COL5A1: variants seen among roughly 807,000 people sequenced by gnomAD.
COL5A1 encodes collagen alpha-1(V) chain.
COL5A1 carries 16 observed loss-of-function variants against 263.7 expected under a neutral mutation model. That is an observed-to-expected ratio of 0.06 (90% CI 0.04 to 0.09). COL5A1 has a LOEUF of 0.09. Among genes scored for constraint, COL5A1 ranks in the 10% least tolerant of loss-of-function variants. COL5A1 has a pLI of 1.00. For synonymous variants in COL5A1, 1,012 were observed against 1,004.5 expected (o/e 1.01, Z -0.14); for missense variants, 2,036 against 2,540.5 (o/e 0.80, Z 4.27).
Position 134,813,989 on chromosome 9 carries a change from C to T in COL5A1, c.3859C>T (p.Pro1287Ser), listed in dbSNP as rs1162388207. 4 of 1,551,036 alleles carry T rather than the reference C, an allele frequency of 2.6e-6. No individual in the cohort carries two copies. Among genetic ancestry groups the T allele is most frequent in the Non-Finnish European group, 2.6e-6 (3 of 1,147,074 alleles). Residue 1287 changes from proline (P) to serine (S), a missense_variant, in exon 49 of 66, where the codon CCT (proline) becomes TCT (serine). Physicochemically the swap from Pro to Ser is moderately conservative, Grantham distance 74. Around this residue, in one of 3 missense-constraint regions of COL5A1, gnomAD observed 1,078 missense variants for 1,521.4 expected, o/e 0.71. Transcript: ENST00000371817. ...NPGAVGEKGE[P>S]GEAGEPGLPG... The stretch of plus-strand genomic sequence containing the variant: ...ACATGCACTGTCTCCCTAGGGCGAG[C>T]CTGGCGAAGCAGGTGAGCCTGGCCT...
Position 134,812,441 on chromosome 9 carries a change from G to C in COL5A1, c.3691-8G>C. The stretch of plus-strand genomic sequence containing the variant: ...ACAGCGCTTAACTGGGAAGTTTCCT[G>C]TTCTCAGGGTTTGCCAGGACCTCCA... On this transcript the variant is annotated splice_polypyrimidine_tract_variant and splice_region_variant and intron_variant, in intron 46 of 65. Coordinates refer to ENST00000371817, the MANE Select transcript of COL5A1 (RefSeq NM_000093.5). 2 of 1,614,070 alleles carry C rather than the reference G, an allele frequency of 1.2e-6. No individual in the cohort carries two copies. Among genetic ancestry groups the C allele is most frequent in the East Asian group, 2.2e-5 (1 of 44,876 alleles).
chr9:134,715,980 G>A (rs200125682), intron 4 of COL5A1, among the ~76,000 whole-genome samples: 1 of 29,840 alleles, frequency 3.4e-5, no homozygotes, highest in East Asian at 0.012. Context: ...GGTGATGCTG[G>A]TGGTGGTGGT....
intron 44 of COL5A1, among the ~76,000 whole-genome samples, chr9:134,810,885 G>A (rs1439977171): frequency 1.3e-5 from 2 of 152,260 alleles, no homozygotes; most frequent in East Asian, 3.9e-4. Flanking sequence ...GCCGTGGGTT[G>A]GGCTACCAGG....
At chr9:134,832,793 T>A (rs1172541591) in intron 64 of COL5A1, 1 of 152,278 alleles carries the variant, frequency 6.6e-6, no homozygotes. Context: ...AGTTCGCCGA[T>A]AGCCCTGGGA....
At position 134,817,065 on chromosome 9, in the gene COL5A1, C is replaced by T. The variant is rs61737942; in HGVS notation, c.4162C>T (p.Pro1388Ser). The T allele has an allele frequency of 4.0e-5, 64 of 1,613,628 alleles. No homozygotes were observed. The African/African-American group carries it at 7.7e-4, about 20-fold the overall frequency. Reference sequence around the variant, plus strand: ...TACTGGTGAACCAGGTCCATCGGGGCCTCCAGGAAAAAGGGTAAATAATCC... The same window carrying T: ...TACTGGTGAACCAGGTCCATCGGGGTCTCCAGGAAAAAGGGTAAATAATCC... Reference protein sequence around the residue: ...GPTGEPGPSGPPGKRGPPGPA... With the variant: ...GPTGEPGPSGSPGKRGPPGPA... The change falls in exon 53 of 66, where the codon CCT (proline) becomes TCT (serine). Residue 1388 changes from proline (P) to serine (S), a missense_variant. Pro to Ser is a moderately conservative substitution (Grantham distance 74). This residue lies in a region of COL5A1 where 1,078 missense variants were observed against 1,521.4 expected (regional missense o/e 0.71). Transcript: ENST00000371817.
intron 11 of COL5A1, among the ~76,000 whole-genome samples, chr9:134,746,534 A>C (rs915748223): frequency 6.6e-6 from 1 of 152,330 alleles, no homozygotes; most frequent in Admixed American, 6.5e-5. Context: ...CCACTTTGTG[A>C]GGCATCTGGT....
intron 32 of COL5A1, among the ~76,000 whole-genome samples, chr9:134,791,320 G>A (rs1837683341): frequency 6.6e-6 from 1 of 152,220 alleles, no homozygotes; most frequent in Non-Finnish European, 1.5e-5. Flanking sequence ...TTGAGCCATG[G>A]TAGTGGTGGT....
At position 134,806,295 on chromosome 9, in the gene COL5A1, C is replaced by T; in HGVS notation, c.3365C>T (p.Pro1122Leu). 6.5e-7 allele frequency: 1 copy of T among 1,543,872 alleles called. No individual in the cohort carries two copies. The highest frequency in any genetic ancestry group is 8.8e-7 in the Non-Finnish European group (1 of 1,142,412). Residue 1122 changes from proline (P) to leucine (L), a missense_variant and splice_region_variant, in exon 42 of 66, where the codon CCT (proline) becomes CTT (leucine). Around this residue, in one of 3 missense-constraint regions of COL5A1, gnomAD observed 1,078 missense variants for 1,521.4 expected, o/e 0.71. Coordinates refer to ENST00000371817, the MANE Select transcript of COL5A1 (RefSeq NM_000093.5). ...PPGPAGEKGAPGEKGPQGPAG... is the reference protein window; with the variant it reads ...PPGPAGEKGALGEKGPQGPAG... ...GGGCCGGCAGGAGAGAAAGGGGCTC[C>T]TGTAAGTACTGCCTTGGATTGGGGG...
At chr9:134,761,108 A>ACACCCACACATGCACACAC (rs146686669) in intron 18 of COL5A1, among the ~76,000 whole-genome samples, 9 of 145,050 alleles carry the variant, frequency 6.2e-5, no homozygotes. Context: ...ACATGCACAC[A>ACACCCACACATGCACACAC]ACCCACACAT....
chr9:134,752,012 C>T (rs1454067809), intron 13 of COL5A1, among the ~76,000 whole-genome samples: 2 of 152,194 alleles, frequency 1.3e-5, no homozygotes, highest in Non-Finnish European at 2.9e-5. Context: ...TGGCATCTGC[C>T]AGGGAAACAG....
chr9:134,721,069 T>C (rs11103480), intron 4 of COL5A1, among the ~76,000 whole-genome samples: 26,661 of 152,116 alleles, frequency 0.18, 2,582 homozygotes, highest in East Asian at 0.39. Context: ...ACACAGTGTG[T>C]GGCTGCGCGT....
intron 63 of COL5A1, among the ~76,000 whole-genome samples, chr9:134,828,196 C>T (rs1315205502): frequency 6.6e-6 from 1 of 152,154 alleles, no homozygotes; most frequent in African/African-American, 2.4e-5. Flanking sequence ...GGTCTCCCCT[C>T]AGAGGAATGG....
At chr9:134,798,511 C>T (rs759949155) in intron 37 of COL5A1, 50 bp downstream of exon 37, 6 of 1,568,210 alleles carry the variant, frequency 3.8e-6, no homozygotes, top group Non-Finnish European at 4.4e-6. Flanking sequence ...CTCTGACCAC[C>T]CTGCACGTGG....
rs13297317 is a variant in COL5A1 at position 134,810,027 on chromosome 9, A to G, written c.3475-228A>G. On this transcript the variant is annotated intron_variant, in intron 43 of 65. Coordinates refer to ENST00000371817, the MANE Select transcript of COL5A1 (RefSeq NM_000093.5). ...TCAATATGACTTTTCCCACATCTTCAAGTCTACTAAAAGCCTGTCGAGCAT... is the reference window on the plus strand; with the variant it reads ...TCAATATGACTTTTCCCACATCTTCGAGTCTACTAAAAGCCTGTCGAGCAT... Among the ~76,000 whole-genome samples, 5,868 of 152,326 alleles carry G rather than the reference A, an allele frequency of 0.039. 145 individuals are homozygous for G. Among genetic ancestry groups the G allele is most frequent in the Non-Finnish European group, 0.058 (3,918 of 68,034 alleles).
At chr9:134,838,081 C>T (rs1262701251) in intron 65 of COL5A1, among the ~76,000 whole-genome samples, 10 of 152,232 alleles carry the variant, frequency 6.6e-5, no homozygotes, top group Non-Finnish European at 7.3e-5. Flanking sequence ...CTTGTACTAT[C>T]CGCCCATCGC....
intron 1 of COL5A1, among the ~76,000 whole-genome samples, chr9:134,662,947 G>C (rs1832253845): frequency 6.6e-6 from 1 of 152,346 alleles, no homozygotes. Flanking sequence ...CACAGCTACT[G>C]CCTGCTCTGT....
At chr9:134,730,608 C>T in intron 7 of COL5A1, 133 bp downstream of exon 7, 2 of 1,283,290 alleles carry the variant, frequency 1.6e-6, no homozygotes, top group Non-Finnish European at 1.1e-6. Flanking sequence ...TGTTCCACCA[C>T]ACCCTGGCCC....
At chr9:134,703,700 C>T (rs1430018380) in intron 4 of COL5A1, among the ~76,000 whole-genome samples, 13 of 132,240 alleles carry the variant, frequency 9.8e-5, no homozygotes, top group African/African-American at 3.1e-4. Context: ...TGCAGTGGCA[C>T]GATCTCGGCT....
chr9:134,823,301 C>CTG, intron 60 of COL5A1, 115 bp from the exon 61 acceptor site: 1 of 1,173,912 alleles, frequency 8.5e-7, no homozygotes, highest in African/African-American at 1.5e-5. Flanking sequence ...TCTGCTGTGG[C>CTG]TGATAGGGCC....
Sources: allele counts gnomAD v4.1 joint callset (sites outside exome capture counted in the v4.1 genomes callset), GRCh38; gene constraint gnomAD v4.1.1; regional missense constraint gnomAD v4.1.1; transcripts MANE v1.5; gene names NCBI Gene and HGNC (gene_info 2026-07-23, HGNC 2026-07-21).